LRRC4C: variants seen among roughly 807,000 people sequenced by gnomAD.
LRRC4C encodes the protein leucine rich repeat containing 4C, also known as leucine-rich repeat-containing protein 4C.
In LRRC4C, 5 loss-of-function variants were observed where a neutral mutation model predicts 33.6. The observed-to-expected ratio is 0.15, with a 90% CI of 0.08 to 0.31. LRRC4C has a LOEUF of 0.31. Ranked by LOEUF, LRRC4C falls within the 10% of genes least tolerant of loss-of-function variation. The pLI is 1.00. For missense variants in LRRC4C, 560 were observed against 796.7 expected (o/e 0.70, Z 3.58); for synonymous variants, 329 against 302.0 (o/e 1.09, Z -0.93).
At chr11:40,885,726 T>C (rs988969295) in intron 2 of LRRC4C, among the ~76,000 whole-genome samples, 16 of 152,144 alleles carry the variant, frequency 1.1e-4, no homozygotes, top group Non-Finnish European at 4.4e-5. Flanking sequence ...AAGTGAATCA[T>C]TCTAAAAGAA....
intron 3 of LRRC4C, among the ~76,000 whole-genome samples, chr11:40,449,684 T>C (rs1412756533): frequency 1.3e-5 from 2 of 152,152 alleles, no homozygotes; most frequent in African/African-American, 2.4e-5. Context: ...TAGGCATGAA[T>C]GGGGGCTAAT....
intron 2 of LRRC4C, among the ~76,000 whole-genome samples, chr11:40,875,343 A>C (rs1213196851): frequency 2.0e-5 from 3 of 152,202 alleles, no homozygotes; most frequent in Non-Finnish European, 4.4e-5. Context: ...CAATATTTTA[A>C]AATTCTCAAA....
intron 2 of LRRC4C, among the ~76,000 whole-genome samples, chr11:40,898,806 C>T (rs1956082891): frequency 1.3e-5 from 2 of 151,834 alleles, no homozygotes; most frequent in Non-Finnish European, 2.9e-5. Context: ...CCACTCGTCC[C>T]AATTAAACTG....
rs191973186 is a variant in LRRC4C, at chr11:41,012,465, T to C, written c.-495-78742A>G. Among the ~76,000 whole-genome samples the C allele has an allele frequency of 1.8e-3, 274 of 152,316 alleles. 1 individual carries two copies. Among genetic ancestry groups the C allele is most frequent in the African/African-American group, 6.1e-3 (254 of 41,560 alleles). On this transcript the variant is annotated intron_variant, in intron 1 of 6. Coordinates refer to ENST00000528697, the MANE Select transcript of LRRC4C (RefSeq NM_001258419.2). Reference sequence around the variant, plus strand: ...TCAATTGTGTATATATATATCACATTTTCTTTATCCATTCATCCACTGATT... The same window carrying C: ...TCAATTGTGTATATATATATCACATCTTCTTTATCCATTCATCCACTGATT...
rs779100417 is a variant in LRRC4C, at chr11:41,459,432, T to A, written c.-497A>T. On this transcript the variant is annotated splice_region_variant and 5_prime_UTR_variant, in exon 1 of 7. It adds an upstream start codon to the 5' untranslated region. Transcript: ENST00000528697. ...GATCTGAGGAGTCCCGTGACTTACC[T>A]TCTTTATGGATCCTCAAAGTTCACC... The A allele has an allele frequency of 9.2e-5, 14 of 152,184 alleles. No homozygotes were observed. The highest frequency in any genetic ancestry group is 2.1e-4 in the Non-Finnish European group (14 of 68,048). The allele number at this position is 152,184 out of a possible 1,614,324, so 9.4% of individuals were successfully genotyped here.
chr11:40,786,066 A>G (rs1406179713), intron 2 of LRRC4C, among the ~76,000 whole-genome samples: 1 of 152,188 alleles, frequency 6.6e-6, no homozygotes, highest in African/African-American at 2.4e-5. Flanking sequence ...TAGTCTTTGC[A>G]TATAAACTCA....
chr11:40,668,512 T>A (rs2136255680), intron 2 of LRRC4C, among the ~76,000 whole-genome samples: 1 of 152,320 alleles, frequency 6.6e-6, no homozygotes, highest in East Asian at 1.9e-4. Context: ...ATCTTAATAC[T>A]CTCTTTTCCT....
At chr11:40,989,163 G>A (rs1592273070) in intron 1 of LRRC4C, among the ~76,000 whole-genome samples, 1 of 152,130 alleles carries the variant, frequency 6.6e-6, no homozygotes, top group African/African-American at 2.4e-5. Flanking sequence ...GACTTTAAGA[G>A]CCTCAAAGGA....
At chr11:40,335,250 T>A (rs560292957) in intron 3 of LRRC4C, among the ~76,000 whole-genome samples, 1 of 152,144 alleles carries the variant, frequency 6.6e-6, no homozygotes, top group East Asian at 1.9e-4. Context: ...ATACATATTT[T>A]TATTATATCA....
At chr11:40,383,376 G>A (rs1353299925) in intron 3 of LRRC4C, among the ~76,000 whole-genome samples, 1 of 152,164 alleles carries the variant, frequency 6.6e-6, no homozygotes, top group Non-Finnish European at 1.5e-5. Context: ...TATATACCCA[G>A]AAGTGGGATT....
At chr11:41,260,823 A>G (rs1229277145) in intron 1 of LRRC4C, among the ~76,000 whole-genome samples, 2 of 152,048 alleles carry the variant, frequency 1.3e-5, no homozygotes, top group South Asian at 2.1e-4. Flanking sequence ...AGAACTTGCT[A>G]TTCTCCAGGT....
chr11:41,146,664 A>G (rs1052343744), intron 1 of LRRC4C, among the ~76,000 whole-genome samples: 1 of 152,220 alleles, frequency 6.6e-6, no homozygotes, highest in Non-Finnish European at 1.5e-5. Flanking sequence ...GCCTGCCACA[A>G]AAGAAAAATT....
At chr11:40,815,852 A>G (rs1241803873) in intron 2 of LRRC4C, among the ~76,000 whole-genome samples, 1 of 152,236 alleles carries the variant, frequency 6.6e-6, no homozygotes, top group Non-Finnish European at 1.5e-5. Context: ...CTATATGATT[A>G]TGTGTTCTAA....
At chr11:41,097,190 C>A (rs898370356) in intron 1 of LRRC4C, among the ~76,000 whole-genome samples, 6 of 152,072 alleles carry the variant, frequency 3.9e-5, no homozygotes, top group Non-Finnish European at 8.8e-5. Context: ...ACAGTTGTGG[C>A]GTTTCTAACC....
intron 6 of LRRC4C, among the ~76,000 whole-genome samples, chr11:40,131,406 G>A (rs767571272): frequency 2.0e-5 from 3 of 152,036 alleles, no homozygotes; most frequent in Admixed American, 6.6e-5. Context: ...TGAAAATGAC[G>A]GTTTAGGGTA....
chr11:41,082,784 G>GT (rs1235853236), intron 1 of LRRC4C, among the ~76,000 whole-genome samples: 1 of 151,856 alleles, frequency 6.6e-6, no homozygotes, highest in Non-Finnish European at 1.5e-5. Context: ...ATTTCTTCTT[G>GT]TTTTTTCTTC....
At chr11:40,790,203 G>A (rs1002502970) in intron 2 of LRRC4C, among the ~76,000 whole-genome samples, 1 of 152,114 alleles carries the variant, frequency 6.6e-6, no homozygotes, top group Non-Finnish European at 1.5e-5. Flanking sequence ...TGAATGTATC[G>A]CATTGACAGT....
chr11:40,621,021 C>T (rs1220559066), intron 3 of LRRC4C, among the ~76,000 whole-genome samples: 4 of 151,524 alleles, frequency 2.6e-5, no homozygotes, highest in African/African-American at 7.3e-5. Context: ...GCATATACCA[C>T]CAAATTTAAT....
intron 5 of LRRC4C, among the ~76,000 whole-genome samples, chr11:40,187,821 C>T (rs1215760219): frequency 6.6e-6 from 1 of 151,946 alleles, no homozygotes; most frequent in African/African-American, 2.4e-5. Flanking sequence ...AGAACAGATG[C>T]AACAGACACT....
Sources: allele counts gnomAD v4.1 joint callset (sites outside exome capture counted in the v4.1 genomes callset), GRCh38; gene constraint gnomAD v4.1.1; transcripts MANE v1.5; gene names NCBI Gene and HGNC (gene_info 2026-07-23, HGNC 2026-07-21).